The following CCDC146 variants were observed in gnomAD, a reference collection of about 807,000 sequenced individuals.
The protein encoded by CCDC146 is coiled-coil domain containing 146.
A neutral mutation model predicts 119.3 loss-of-function variants in CCDC146; 92 were observed. The ratio of observed to expected loss-of-function variants is 0.77; its 90% CI spans 0.65 to 0.92. The LOEUF (loss-of-function observed/expected upper bound fraction) is 0.92, where lower values mean the gene tolerates loss of function less well. Ranked by LOEUF, CCDC146 falls within the 40% of genes least tolerant of loss-of-function variation. The probability of loss-of-function intolerance (pLI) is 0.00; values close to 1 mark genes in which losing one functional copy is unlikely to be tolerated. For missense variants in CCDC146, 1,000 were observed against 1,103.0 expected (o/e 0.91, Z 1.32); for synonymous variants, 372 against 371.8 (o/e 1.00, Z -0.01).
At chr7:77,240,639 A>G (rs1279874632) in intron 3 of CCDC146, among the ~76,000 whole-genome samples, 2 of 152,228 alleles carry the variant, frequency 1.3e-5, no homozygotes, top group Non-Finnish European at 2.9e-5. Flanking sequence ...TCAGTAAATA[A>G]ACAATTTTTA....
intron 1 of CCDC146, among the ~76,000 whole-genome samples, chr7:77,153,158 G>A (rs1791130511): frequency 1.3e-5 from 2 of 152,202 alleles, no homozygotes; most frequent in Admixed American, 1.3e-4. Flanking sequence ...GGAGGTGGAA[G>A]AAGGGAGGAA....
intron 3 of CCDC146, among the ~76,000 whole-genome samples, chr7:77,240,830 A>G (rs1192925946): frequency 1.3e-5 from 2 of 152,162 alleles, no homozygotes; most frequent in Non-Finnish European, 1.5e-5. Flanking sequence ...CAGATTTTCA[A>G]CAGTTTTTCC....
At chr7:77,193,607 T>G (rs1409516705) in intron 2 of CCDC146, 4 of 152,180 alleles carry the variant, frequency 2.6e-5, no homozygotes, top group Non-Finnish European at 4.4e-5. Context: ...ATTTCTTATG[T>G]TTTGTATATT....
In CCDC146 at chr7:77,293,245, G is replaced by C. The variant is rs1319345963; in HGVS notation, c.2664+45G>C. ...TTGCATTTCTAAAGGGTGCCAGCAG[G>C]GGTTGCATTCAGGCAACCCACAGTT... On this transcript the variant is annotated intron_variant, in intron 18 of 18. Transcript: ENST00000285871. The C allele has an allele frequency of 5.7e-6, 9 of 1,577,216 alleles. No homozygotes were observed. In the Admixed American group the frequency reaches 1.4e-4, roughly 25 times the overall value.
chr7:77,228,322 C>T (rs928077514), intron 2 of CCDC146, among the ~76,000 whole-genome samples: 2 of 152,170 alleles, frequency 1.3e-5, no homozygotes, highest in Non-Finnish European at 2.9e-5. Flanking sequence ...CTTCCACCCT[C>T]TGACAGGCCC....
At chr7:77,273,831 T>A in intron 10 of CCDC146, 42 bp downstream of exon 10, 1 of 1,305,960 alleles carries the variant, frequency 7.7e-7, no homozygotes, top group Non-Finnish European at 1.1e-6. Flanking sequence ...TAAGAAGCGT[T>A]CATACAAAGT....
chr7:77,238,674 C>T (rs1330141722), intron 3 of CCDC146, among the ~76,000 whole-genome samples: 5 of 152,208 alleles, frequency 3.3e-5, no homozygotes, highest in Non-Finnish European at 5.9e-5. Context: ...GCCTCGGCCT[C>T]CCAAAGTGCT....
intron 11 of CCDC146, among the ~76,000 whole-genome samples, chr7:77,276,896 G>C (rs553086188): frequency 1.7e-4 from 26 of 152,066 alleles, no homozygotes; most frequent in Non-Finnish European, 3.2e-4. Context: ...CATGGTGAAA[G>C]CCCATCTCTA....
chr7:77,136,361 A>G (rs541010434), intron 1 of CCDC146, among the ~76,000 whole-genome samples: 1 of 152,338 alleles, frequency 6.6e-6, no homozygotes, highest in Admixed American at 6.5e-5. Flanking sequence ...TGAAAAGATT[A>G]ATAAAATTGA....
intron 11 of CCDC146, among the ~76,000 whole-genome samples, chr7:77,278,395 C>T (rs1280429331): frequency 1.3e-5 from 2 of 151,698 alleles, no homozygotes; most frequent in African/African-American, 4.9e-5. Context: ...TCTCTTTTAC[C>T]CTTCACCCTG....
chr7:77,254,935 C>T (rs1051594293), intron 5 of CCDC146, among the ~76,000 whole-genome samples: 1 of 152,210 alleles, frequency 6.6e-6, no homozygotes, highest in African/African-American at 2.4e-5. Context: ...AAATGTATCA[C>T]TTATCTATTC....
chr7:77,202,974 A>G (rs1399174529), intron 2 of CCDC146, among the ~76,000 whole-genome samples: 1 of 151,914 alleles, frequency 6.6e-6, no homozygotes, highest in Admixed American at 6.6e-5. Flanking sequence ...GCTTAAAGCA[A>G]TGCTTAGATC....
intron 3 of CCDC146, among the ~76,000 whole-genome samples, chr7:77,239,944 C>A (rs1226603178): frequency 1.3e-5 from 2 of 152,204 alleles, no homozygotes; most frequent in East Asian, 3.8e-4. Flanking sequence ...CAAGTCCATC[C>A]AGCTCTAACC....
In CCDC146 at chr7:77,287,562, G is replaced by A. The variant is rs745602912; in HGVS notation, c.2400G>A (p.Leu800=). The change falls in exon 17 of 19, where the codon CTG becomes CTA. Residue 800 remains leucine (L), a synonymous_variant. Transcript: ENST00000285871. ...SKTQGCKQDT[L]LLAKKMNGYQ... is the part of the protein sequence containing the mutation. ...CTCAGGGCTGCAAGCAGGACACACT[G>A]CTCTTAGCCAAGAAGGTAGGCCTGA... 8.7e-6 allele frequency: 14 copies of A among 1,613,440 alleles called. No individual in the cohort carries two copies. The highest frequency in any genetic ancestry group is 5.0e-5 in the Admixed American group (3 of 59,992).
intron 2 of CCDC146, among the ~76,000 whole-genome samples, chr7:77,230,472 A>G (rs1792604021): frequency 6.7e-6 from 1 of 149,168 alleles, no homozygotes; most frequent in African/African-American, 2.5e-5. Context: ...TTTGATGGAT[A>G]TAGGATTCTT....
At chr7:77,198,850 T>C (rs1584064157) in intron 2 of CCDC146, 2 of 354,430 alleles carry the variant, frequency 5.6e-6, no homozygotes, top group East Asian at 9.4e-5. Flanking sequence ...CTTTATTGTT[T>C]TCAAACACCT....
At chr7:77,231,580 G>A (rs1792628675) in intron 2 of CCDC146, among the ~76,000 whole-genome samples, 1 of 151,844 alleles carries the variant, frequency 6.6e-6, no homozygotes, top group Non-Finnish European at 1.5e-5. Flanking sequence ...CAAATCTACT[G>A]TTGAACTCCT....
intron 2 of CCDC146, among the ~76,000 whole-genome samples, chr7:77,229,988 A>G (rs1223938847): frequency 6.6e-6 from 1 of 152,212 alleles, no homozygotes; most frequent in Non-Finnish European, 1.5e-5. Context: ...CCACTAAATC[A>G]ACTTTCTGTC....
intron 1 of CCDC146, among the ~76,000 whole-genome samples, chr7:77,134,758 A>G (rs1584015258): frequency 6.6e-6 from 1 of 152,188 alleles, no homozygotes; most frequent in East Asian, 1.9e-4. Flanking sequence ...GTGTCCTGCA[A>G]TGGAATGGCA....
Sources: allele counts gnomAD v4.1 joint callset (sites outside exome capture counted in the v4.1 genomes callset), GRCh38; gene constraint gnomAD v4.1.1; transcripts MANE v1.5; gene names NCBI Gene and HGNC (gene_info 2026-07-23, HGNC 2026-07-21).